Variants in MAML3 observed in about 807,000 individuals in gnomAD.
The protein encoded by MAML3 is mastermind like transcriptional coactivator 3, also known as mastermind-like protein 3.
A neutral mutation model predicts 101.9 loss-of-function variants in MAML3; 27 were observed. The ratio of observed to expected loss-of-function variants is 0.27; its 90% CI spans 0.20 to 0.37. The LOEUF (loss-of-function observed/expected upper bound fraction) is 0.37. Among genes scored for constraint, MAML3 ranks in the 10% least tolerant of loss-of-function variants. The pLI is 1.00. For missense variants in MAML3, 1,316 were observed against 1,444.9 expected (o/e 0.91, Z 1.45); for synonymous variants, 501 against 555.9 (o/e 0.90, Z 1.39).
intron 1 of MAML3, among the ~76,000 whole-genome samples, chr4:139,976,826 AT>A (rs1041952075): frequency 6.6e-5 from 10 of 151,412 alleles, no homozygotes; most frequent in African/African-American, 1.5e-4. Context: ...AACTAGGGTG[AT>A]TTTTTTTTCC....
chr4:140,152,798 G>GCCCCCCCC, intron 1 of MAML3, 62 bp downstream of exon 1: 9 of 1,555,800 alleles, frequency 5.8e-6, no homozygotes, highest in South Asian at 1.2e-5. Context: ...AGCTCCACGC[G>GCCCCCCCC]CCCCCCACCA....
intron 1 of MAML3, among the ~76,000 whole-genome samples, chr4:139,896,607 G>GGTGTGTGTGTGTGTGTGTGTGT (rs113274639): frequency 0.045 from 6,496 of 144,398 alleles, 311 homozygotes; most frequent in African/African-American, 0.094. Context: ...CTGTGAAACT[G>GGTGTGTGTGTGTGTGTGTGTGT]GTGTGTGTGT....
At chr4:139,906,138 G>A (rs1014870348) in intron 1 of MAML3, among the ~76,000 whole-genome samples, 2 of 152,008 alleles carry the variant, frequency 1.3e-5, no homozygotes, top group South Asian at 2.1e-4. Context: ...TGAGATGGGG[G>A]GCGGGTCTCA....
At chr4:140,089,563 T>C (rs1728010671) in intron 1 of MAML3, among the ~76,000 whole-genome samples, 1 of 152,198 alleles carries the variant, frequency 6.6e-6, no homozygotes, top group Non-Finnish European at 1.5e-5. Context: ...GATTTATGAG[T>C]ATTTAAAATA....
At chr4:140,091,752 TA>T (rs947235525) in intron 1 of MAML3, among the ~76,000 whole-genome samples, 2 of 152,004 alleles carry the variant, frequency 1.3e-5, no homozygotes, top group Non-Finnish European at 2.9e-5. Flanking sequence ...AAGCCCAAAC[TA>T]ATCATCTTAA....
intron 1 of MAML3, among the ~76,000 whole-genome samples, chr4:139,946,889 C>CCCCA (rs1553965512): frequency 7.9e-6 from 1 of 126,842 alleles, no homozygotes; most frequent in African/African-American, 2.9e-5. Context: ...GCAGAGTAAG[C>CCCCA]CACACACACA....
intron 2 of MAML3, among the ~76,000 whole-genome samples, chr4:139,886,025 C>T (rs1732333493): frequency 6.7e-6 from 1 of 148,548 alleles, no homozygotes; most frequent in East Asian, 2.0e-4. Flanking sequence ...AAGAACATAT[C>T]TCAGAGAAGA....
chr4:140,023,393 T>C (rs4863525), intron 1 of MAML3, among the ~76,000 whole-genome samples: 127,021 of 152,094 alleles, frequency 0.84, 53,995 homozygotes, highest in Non-Finnish European at 0.91. Context: ...ACACTCTTGG[T>C]GAGTGAGCAT....
At chr4:140,076,010 C>A (rs923688413) in intron 1 of MAML3, among the ~76,000 whole-genome samples, 28 of 152,054 alleles carry the variant, frequency 1.8e-4, no homozygotes, top group African/African-American at 6.8e-4. Flanking sequence ...GATCCACCTG[C>A]CTTGGCCTCC....
rs544280084 is a variant in MAML3, at chr4:140,019,807, G to A, written c.469-128840C>T. ...ATGAGCAGCTGGGAGTGTTTTGGGC[G>A]AAGTTGGTATAAAAGGGTGCCTTTA... On this transcript the variant is annotated intron_variant, in intron 1 of 4. Transcript: ENST00000509479. Among the ~76,000 whole-genome samples, 12 of 152,302 alleles carry A rather than the reference G, an allele frequency of 7.9e-5. No individual in the cohort carries two copies. The East Asian group carries it at 1.3e-3, about 17-fold the overall frequency.
chr4:140,070,041 G>C (rs114646415), intron 1 of MAML3, among the ~76,000 whole-genome samples: 1 of 151,858 alleles, frequency 6.6e-6, no homozygotes, highest in Non-Finnish European at 1.5e-5. Context: ...GCTTGAACCC[G>C]GGAGGCACAA....
At chr4:140,021,832 C>T (rs1315519031) in intron 1 of MAML3, among the ~76,000 whole-genome samples, 4 of 152,284 alleles carry the variant, frequency 2.6e-5, no homozygotes, top group Non-Finnish European at 4.4e-5. Context: ...AATCCCACTG[C>T]CCCATCAGGT....
chr4:139,918,987 G>C (rs1354001815), intron 1 of MAML3, among the ~76,000 whole-genome samples: 2 of 152,120 alleles, frequency 1.3e-5, no homozygotes, highest in Non-Finnish European at 2.9e-5. Flanking sequence ...TTTTTCACTG[G>C]AGAAAGACAT....
chr4:140,006,509 C>T (rs1021402988), intron 1 of MAML3, among the ~76,000 whole-genome samples: 1 of 147,656 alleles, frequency 6.8e-6, no homozygotes, highest in Non-Finnish European at 1.5e-5. Flanking sequence ...TCACTGGAAC[C>T]TGGGAGATGG....
intron 1 of MAML3, among the ~76,000 whole-genome samples, chr4:140,151,647 G>A (rs1729169950): frequency 6.7e-6 from 1 of 149,634 alleles, no homozygotes; most frequent in African/African-American, 2.4e-5. Flanking sequence ...CACGCTCCAG[G>A]ATTCCCGTCG....
chr4:139,962,147 A>G (rs1310923111), intron 1 of MAML3, among the ~76,000 whole-genome samples: 7 of 151,810 alleles, frequency 4.6e-5, no homozygotes, highest in Middle Eastern at 3.4e-3. Flanking sequence ...AAAGTTAGAC[A>G]CTTTAGAGGG....
chr4:140,030,425 C>A lies in MAML3; in HGVS notation c.468+122435G>T, dbSNP rs555578362. ...ACCTGCCCAGAGTGAAGATCAATGCCACAGGAAGACAAAATTCAGTTTTAT... is the reference window on the plus strand; with the variant it reads ...ACCTGCCCAGAGTGAAGATCAATGCAACAGGAAGACAAAATTCAGTTTTAT... On this transcript the variant is annotated intron_variant, in intron 1 of 4. Transcript: ENST00000509479. Among the ~76,000 whole-genome samples the A allele has an allele frequency of 2.0e-4, 31 of 152,292 alleles. 1 individual carries two copies. The highest frequency in any genetic ancestry group is 7.5e-4 in the African/African-American group (31 of 41,558).
chr4:140,054,212 A>G (rs973809948), intron 1 of MAML3, among the ~76,000 whole-genome samples: 3 of 152,114 alleles, frequency 2.0e-5, no homozygotes. Context: ...TCTACTAAAA[A>G]TACAAAAACT....
At chr4:139,721,051 G>A (rs1728212274) in intron 4 of MAML3, among the ~76,000 whole-genome samples, 1 of 152,204 alleles carries the variant, frequency 6.6e-6, no homozygotes, top group Non-Finnish European at 1.5e-5. Flanking sequence ...CCAGCTTCCT[G>A]AGCTAGAAAA....
Sources: allele counts gnomAD v4.1 joint callset (sites outside exome capture counted in the v4.1 genomes callset), GRCh38; gene constraint gnomAD v4.1.1; transcripts MANE v1.5; gene names NCBI Gene and HGNC (gene_info 2026-07-23, HGNC 2026-07-21).